The following SLC6A9 variants were observed in gnomAD, a reference collection of about 807,000 sequenced individuals.
The protein encoded by SLC6A9 is sodium- and chloride-dependent glycine transporter 1.
SLC6A9 carries 31 observed loss-of-function variants against 70.9 expected under a neutral mutation model. The ratio of observed to expected loss-of-function variants is 0.44; its 90% CI spans 0.33 to 0.59. The LOEUF (loss-of-function observed/expected upper bound fraction) is 0.59, where lower values mean the gene tolerates loss of function less well. SLC6A9 is among the 20% of genes least tolerant of loss of function. The probability of loss-of-function intolerance (pLI) is 0.04; values close to 1 mark genes in which losing one functional copy is unlikely to be tolerated. For missense variants in SLC6A9, 631 were observed against 845.2 expected (o/e 0.75, Z 3.14); for synonymous variants, 310 against 341.3 (o/e 0.91, Z 1.01).
intron 2 of SLC6A9, chr1:44,016,957 G>A: frequency 7.4e-7 from 1 of 1,343,866 alleles, no homozygotes; most frequent in South Asian, 1.5e-5. Flanking sequence ...CCCTGGCACA[G>A]ACCACTCAGC....
At chr1:44,021,270 C>A (rs2154307271) in intron 2 of SLC6A9, among the ~76,000 whole-genome samples, 1 of 152,206 alleles carries the variant, frequency 6.6e-6, no homozygotes, top group African/African-American at 2.4e-5. Flanking sequence ...CTTGGAGGCA[C>A]CCTGGCCAGC....
Position 44,002,485 on chromosome 1 carries a change from C to T in SLC6A9, c.858+27G>A, listed in dbSNP as rs1316202051. 6.2e-7 allele frequency: 1 copy of T among 1,614,092 alleles called. No homozygotes were observed. Among genetic ancestry groups the T allele is most frequent in the Non-Finnish European group, 8.5e-7 (1 of 1,179,976 alleles). ...GGCACCTCCCTGGCCCCTCCCCAGC[C>T]CCCTTCCGGTTTCCCTCACTTCCCA... On this transcript the variant is annotated intron_variant, in intron 7 of 13. Coordinates refer to ENST00000372310, the MANE Select transcript of SLC6A9 (RefSeq NM_001024845.3). The surrounding 1 kb of genome is among the most constrained non-coding windows in gnomAD (Gnocchi z 5.5).
At chr1:44,014,431 G>A (rs1204110120) in intron 2 of SLC6A9, among the ~76,000 whole-genome samples, 1 of 151,852 alleles carries the variant, frequency 6.6e-6, no homozygotes, top group African/African-American at 2.4e-5. Context: ...GGGGTGGGGT[G>A]AGCTGGCTGA....
intron 1 of SLC6A9, among the ~76,000 whole-genome samples, chr1:44,030,084 C>A (rs1170768875): frequency 1.3e-5 from 2 of 152,078 alleles, no homozygotes; most frequent in Non-Finnish European, 2.9e-5. Context: ...GGAGAGCAGG[C>A]CCGAAAGGGG....
In SLC6A9 at chr1:44,001,301, G is replaced by A; in HGVS notation, c.1201-3C>T. The stretch of plus-strand genomic sequence containing the variant: ...ACCAGCGTCTCCAGGAGGCAGAACT[G>A]CAGGATGTGGCTGTCAGATCGGAGA... On this transcript the variant is annotated splice_polypyrimidine_tract_variant and splice_region_variant and intron_variant, in intron 9 of 13. Coordinates refer to ENST00000372310, the MANE Select transcript of SLC6A9 (RefSeq NM_001024845.3). 1 of 1,614,224 alleles carries A rather than the reference G, an allele frequency of 6.2e-7. No homozygotes were observed. The highest frequency in any genetic ancestry group is 8.5e-7 in the Non-Finnish European group (1 of 1,180,042).
At chr1:44,014,572 C>G (rs2086678487) in intron 2 of SLC6A9, 2 of 152,232 alleles carry the variant, frequency 1.3e-5, no homozygotes, top group South Asian at 4.1e-4. Flanking sequence ...AGCCTCCCAC[C>G]CCTTCCCTGC....
chr1:44,025,127 T>C (rs564752453), intron 1 of SLC6A9, among the ~76,000 whole-genome samples: 1 of 140,950 alleles, frequency 7.1e-6, no homozygotes, highest in Non-Finnish European at 1.5e-5. Context: ...CCCGAGGGCT[T>C]GGGACTGTGT....
intron 4 of SLC6A9, 87 bp from the exon 5 acceptor site, chr1:44,008,710 C>CTT (rs1235602993): frequency 9.4e-4 from 787 of 841,494 alleles, no homozygotes; most frequent in Non-Finnish European, 1.1e-3. Context: ...CTTTTCTTTT[C>CTT]TTTTTTTTTT....
rs1290655518 is a variant in SLC6A9 at position 43,996,747 on chromosome 1, G to A, written c.*798C>T. On this transcript the variant is annotated 3_prime_UTR_variant, in exon 14 of 14. Transcript: ENST00000372310. ...GAGGGCAGCACATTTGGGAAGACTG[G>A]GCCTTTAGCCTCATGGAGGGAGGGC... The A allele has an allele frequency of 6.5e-6, 1 of 153,384 alleles. No homozygotes were observed. Among genetic ancestry groups the A allele is most frequent in the African/African-American group, 2.4e-5 (1 of 41,432 alleles). 9.5% of individuals were successfully genotyped at this position (153,384 alleles called of 1,614,324 possible).
Position 44,017,103 on chromosome 1 carries a change from C to T in SLC6A9, c.31-6221G>A, listed in dbSNP as rs199577336. 52 of 1,604,966 alleles carry T rather than the reference C, an allele frequency of 3.2e-5. No homozygotes were observed. Among genetic ancestry groups the T allele is most frequent in the Non-Finnish European group, 4.2e-5 (49 of 1,176,646 alleles). The stretch of plus-strand genomic sequence containing the variant: ...TGAGCCGCGGCCATCCTGGGGCGAG[C>T]GATCGCAGCCCGCGTGTCTCCGCCG... On this transcript the variant is annotated intron_variant, in intron 2 of 13. Transcript: ENST00000372310.
chr1:44,016,403 G>A (rs891903848), intron 2 of SLC6A9: 6 of 152,552 alleles, frequency 3.9e-5, no homozygotes, highest in Admixed American at 2.0e-4. Context: ...CCTTTTGAAG[G>A]TCAAGTCAGG....
At chr1:44,017,477 C>G in intron 2 of SLC6A9, 1 of 668,450 alleles carries the variant, frequency 1.5e-6, no homozygotes, top group Non-Finnish European at 2.0e-6. Context: ...CTGTCTGAGC[C>G]CACAGGCCTA....
At chr1:44,015,824 A>T (rs924175232) in intron 2 of SLC6A9, 6 of 983,946 alleles carry the variant, frequency 6.1e-6, no homozygotes, top group Non-Finnish European at 7.2e-6. Context: ...TGGATATGGG[A>T]GAGTCTGGGG....
chr1:44,020,643 C>A (rs1571911663), intron 2 of SLC6A9, among the ~76,000 whole-genome samples: 3 of 152,304 alleles, frequency 2.0e-5, no homozygotes, highest in East Asian at 3.9e-4. Flanking sequence ...TGTGCCAAAC[C>A]CTGTGCTTGG....
At chr1:44,016,022 C>G (rs1399562193) in intron 2 of SLC6A9, among the ~76,000 whole-genome samples, 1 of 152,236 alleles carries the variant, frequency 6.6e-6, no homozygotes, top group African/African-American at 2.4e-5. Flanking sequence ...TTGTGCTTAT[C>G]CATTGCAGAG....
intron 2 of SLC6A9, among the ~76,000 whole-genome samples, chr1:44,022,569 C>A (rs2086902416): frequency 6.6e-6 from 1 of 152,008 alleles, no homozygotes; most frequent in Non-Finnish European, 1.5e-5. Context: ...CAGTAGGGGG[C>A]TAGACCAGAG....
chr1:44,017,373 ACACAC>A, intron 2 of SLC6A9: 1 of 422,248 alleles, frequency 2.4e-6, no homozygotes, highest in Non-Finnish European at 2.9e-6. Flanking sequence ...GGAACAACAC[ACACAC>A]ACACACACAC....
At position 44,002,484 on chromosome 1, in the gene SLC6A9, C is replaced by A. The variant is rs1307614771; in HGVS notation, c.858+28G>T. 2 of 1,614,054 alleles carry A rather than the reference C, an allele frequency of 1.2e-6. No homozygotes were observed. Among genetic ancestry groups the A allele is most frequent in the Admixed American group, 1.7e-5 (1 of 60,022 alleles). Reference sequence around the variant, plus strand: ...AGGCACCTCCCTGGCCCCTCCCCAGCCCCCTTCCGGTTTCCCTCACTTCCC... The same window carrying A: ...AGGCACCTCCCTGGCCCCTCCCCAGACCCCTTCCGGTTTCCCTCACTTCCC... On this transcript the variant is annotated intron_variant, in intron 7 of 13. Transcript: ENST00000372310. This position sits in a 1 kb window ranked among gnomAD's most constrained non-coding sequence, Gnocchi z 5.5.
intron 2 of SLC6A9, chr1:44,011,482 C>T: frequency 8.3e-7 from 1 of 1,200,296 alleles, no homozygotes; most frequent in East Asian, 2.3e-5. Flanking sequence ...ATGGGGAGGG[C>T]ATTCTGGGAC....
Sources: gnomAD v4.1 joint callset for allele counts (sites outside exome capture counted in the v4.1 genomes callset) on GRCh38, gnomAD v4.1.1 for gene constraint, Gnocchi (gnomAD v3.1) non-coding constraint, MANE v1.5 for transcripts, NCBI Gene and HGNC (gene_info 2026-07-23, HGNC 2026-07-21) for gene names.